The following RAB28 variants were observed in gnomAD, a reference collection of about 807,000 sequenced individuals.
RAB28 encodes the protein RAB28, member RAS oncogene family.
A neutral mutation model predicts 31.7 loss-of-function variants in RAB28; 24 were observed. That is an observed-to-expected ratio of 0.76 (90% CI 0.55 to 1.06). The LOEUF (loss-of-function observed/expected upper bound fraction) is 1.06, where lower values mean the gene tolerates loss of function less well. Among genes scored for constraint, RAB28 ranks in the 50% least tolerant of loss-of-function variants. The pLI is 0.00. For synonymous variants in RAB28, 100 were observed against 90.4 expected, an observed-to-expected ratio of 1.11 and a Z score of -0.60; for missense variants, 254 against 258.5, an observed-to-expected ratio of 0.98 and a Z score of 0.12.
intron 4 of RAB28, 43 bp from the exon 5 acceptor site, chr4:13,381,637 C>A (rs1264722188): frequency 7.1e-7 from 1 of 1,415,918 alleles, no homozygotes; most frequent in South Asian, 1.3e-5. Flanking sequence ...ATATTAGAGT[C>A]TATCAAAACG....
intron 4 of RAB28, among the ~76,000 whole-genome samples, chr4:13,421,156 T>C (rs1205428588): frequency 6.6e-6 from 1 of 151,788 alleles, no homozygotes; most frequent in Non-Finnish European, 1.5e-5. Context: ...CCATTCACAA[T>C]TGCTTCAAAG....
chr4:13,479,214 G>A (rs922079890), intron 2 of RAB28, among the ~76,000 whole-genome samples: 6 of 151,588 alleles, frequency 4.0e-5, no homozygotes, highest in Non-Finnish European at 7.4e-5. Context: ...CAAAAACAGG[G>A]AAGGAGTGGG....
At chr4:13,400,919 C>T (rs1711711160) in intron 4 of RAB28, among the ~76,000 whole-genome samples, 1 of 152,162 alleles carries the variant, frequency 6.6e-6, no homozygotes, top group South Asian at 2.1e-4. Flanking sequence ...ATAAACTCCA[C>T]TTGGTCATAA....
chr4:13,374,607 G>A (rs528557959), intron 6 of RAB28, among the ~76,000 whole-genome samples: 64 of 152,100 alleles, frequency 4.2e-4, no homozygotes, highest in South Asian at 1.2e-3. Context: ...CATTCCTCCA[G>A]GCAAGAAACC....
chr4:13,467,041 A>G (rs1715879994), intron 3 of RAB28, among the ~76,000 whole-genome samples: 1 of 151,620 alleles, frequency 6.6e-6, no homozygotes, highest in Non-Finnish European at 1.5e-5. Flanking sequence ...GAAATGGGGA[A>G]ATAGTCAAAG....
At chr4:13,372,803 G>A (rs1159652107) in intron 6 of RAB28, among the ~76,000 whole-genome samples, 1 of 151,950 alleles carries the variant, frequency 6.6e-6, no homozygotes, top group African/African-American at 2.4e-5. Context: ...AAGGTTAAAT[G>A]GGTACTTGTA....
Position 13,474,352 on chromosome 4 carries a change from C to T in RAB28, c.227G>A (p.Gly76Asp), listed in dbSNP as rs771175443. 6.3e-7 allele frequency: 1 copy of T among 1,597,512 alleles called. No individual in the cohort carries two copies. Among genetic ancestry groups the T allele is most frequent in the South Asian group, 1.1e-5 (1 of 89,766 alleles). ...IWDIGGQTIG[G>D]KMLDKYIYGA... ...ATAGATATATTTATCCAACATTTTGCCTCCTATTGTCTGCCCTCCTATATC... is the reference window on the plus strand; with the variant it reads ...ATAGATATATTTATCCAACATTTTGTCTCCTATTGTCTGCCCTCCTATATC... The change falls in exon 3 of 7, where the codon GGC (glycine) becomes GAC (aspartate). Residue 76 changes from glycine (G) to aspartate (D), a missense_variant. Gly to Asp is a moderately conservative substitution (Grantham distance 94). Transcript: ENST00000330852.
At chr4:13,481,658 C>T (rs10013541) in intron 1 of RAB28, among the ~76,000 whole-genome samples, 152,173 of 152,174 alleles carry the variant, frequency 1, 76,086 homozygotes, top group Non-Finnish European at 1. Flanking sequence ...TCTTAAGAGA[C>T]TATGTAATAA....
intron 5 of RAB28, among the ~76,000 whole-genome samples, chr4:13,380,539 A>G (rs974238922): frequency 1.3e-5 from 2 of 151,670 alleles, no homozygotes; most frequent in African/African-American, 2.4e-5. Flanking sequence ...AATTATAATC[A>G]AAGAAATTCA....
intron 4 of RAB28, among the ~76,000 whole-genome samples, chr4:13,402,487 T>C (rs1453230964): frequency 6.6e-6 from 1 of 152,236 alleles, no homozygotes; most frequent in Non-Finnish European, 1.5e-5. Context: ...TTGATCAATA[T>C]GTAATGTCCT....
chr4:13,428,933 C>T (rs1489949829), intron 4 of RAB28, among the ~76,000 whole-genome samples: 1 of 150,082 alleles, frequency 6.7e-6, no homozygotes, highest in East Asian at 2.0e-4. Context: ...AATTCTAATA[C>T]TCTAATTTCA....
chr4:13,467,275 G>C (rs1009538557), intron 3 of RAB28, among the ~76,000 whole-genome samples: 11 of 151,192 alleles, frequency 7.3e-5, no homozygotes, highest in African/African-American at 2.2e-4. Context: ...ACATCACTCT[G>C]TACTCCATAA....
At chr4:13,383,552 T>A (rs1312452506) in intron 4 of RAB28, among the ~76,000 whole-genome samples, 1 of 152,172 alleles carries the variant, frequency 6.6e-6, no homozygotes, top group African/African-American at 2.4e-5. Context: ...GGTAGTGATA[T>A]GGTTTGGCTG....
intron 6 of RAB28, chr4:13,370,140 T>A (rs1236850542): frequency 1.0e-6 from 1 of 979,536 alleles, no homozygotes; most frequent in Non-Finnish European, 1.2e-6. Context: ...AACAGCAGAA[T>A]GTACACATAC....
intron 4 of RAB28, among the ~76,000 whole-genome samples, chr4:13,406,285 A>G (rs1324161219): frequency 1.3e-5 from 2 of 152,092 alleles, no homozygotes; most frequent in African/African-American, 4.8e-5. Flanking sequence ...GTTTGCTGAG[A>G]ATGATGGTTT....
intron 4 of RAB28, among the ~76,000 whole-genome samples, chr4:13,434,247 C>A (rs542852405): frequency 5.8e-4 from 88 of 152,200 alleles, no homozygotes; most frequent in African/African-American, 2.0e-3. Context: ...ATCAATCATA[C>A]CCCAAACCTA....
intron 4 of RAB28, among the ~76,000 whole-genome samples, chr4:13,398,881 A>T (rs983920138): frequency 3.9e-5 from 6 of 152,178 alleles, no homozygotes; most frequent in African/African-American, 1.4e-4. Flanking sequence ...TATTATAATT[A>T]GCCCTACTGG....
chr4:13,421,288 C>A (rs1243550404), intron 4 of RAB28, among the ~76,000 whole-genome samples: 1 of 152,180 alleles, frequency 6.6e-6, no homozygotes, highest in East Asian at 1.9e-4. Flanking sequence ...AATCCATGCT[C>A]ATGAATAGGA....
At chr4:13,417,584 G>A (rs547137723) in intron 4 of RAB28, among the ~76,000 whole-genome samples, 49 of 152,286 alleles carry the variant, frequency 3.2e-4, no homozygotes, top group Non-Finnish European at 5.3e-4. Flanking sequence ...TGCAGCCTCC[G>A]CTGGTGATAT....
Sources: gnomAD v4.1 joint callset for allele counts (sites outside exome capture counted in the v4.1 genomes callset) on GRCh38, gnomAD v4.1.1 for gene constraint, MANE v1.5 for transcripts, NCBI Gene and HGNC (gene_info 2026-07-23, HGNC 2026-07-21) for gene names.